Variants in MAPK1IP1L observed in about 807,000 individuals in gnomAD.
The protein encoded by MAPK1IP1L is mitogen-activated protein kinase 1 interacting protein 1 like.
MAPK1IP1L carries 10 observed loss-of-function variants against 18.1 expected under a neutral mutation model. That is an observed-to-expected ratio of 0.55 (90% CI 0.34 to 0.94). MAPK1IP1L has a LOEUF of 0.94. Among genes scored for constraint, MAPK1IP1L ranks in the 40% least tolerant of loss-of-function variants. The pLI, the probability that MAPK1IP1L is intolerant of heterozygous loss-of-function variation, is 0.02. For synonymous variants in MAPK1IP1L, 115 were observed against 117.3 expected, an observed-to-expected ratio of 0.98 and a Z score of 0.13; for missense variants, 260 against 318.2, an observed-to-expected ratio of 0.82 and a Z score of 1.39.
chr14:55,056,746 T>A (rs1319847215), intron 1 of MAPK1IP1L, among the ~76,000 whole-genome samples: 1 of 152,144 alleles, frequency 6.6e-6, no homozygotes, highest in African/African-American at 2.4e-5. Context: ...CCTGACTTCG[T>A]GATCCGCCCT....
rs372122948 is a variant in MAPK1IP1L, at chr14:55,051,683, C to G, written c.-125C>G. On this transcript the variant is annotated 5_prime_UTR_variant, in exon 1 of 4. Coordinates refer to ENST00000395468, the MANE Select transcript of MAPK1IP1L (RefSeq NM_144578.4). ...CGGCGCCAGGAGGAGCCGCGCGCTG[C>G]TGGTGCTGTTGCCGCCGCTGCTCTA... The G allele has an allele frequency of 3.9e-6, 2 of 516,116 alleles. No homozygotes were observed. The highest frequency in any genetic ancestry group is 7.7e-6 in the Non-Finnish European group (2 of 259,458). 32.0% of individuals were successfully genotyped at this position (516,116 alleles called of 1,614,324 possible). A position where few individuals can be genotyped will look rare whatever the true frequency, so the allele number is the denominator to read the frequency against.
chr14:55,061,725 A>G (rs1377924895), intron 2 of MAPK1IP1L, 24 bp downstream of exon 2: 5 of 1,542,454 alleles, frequency 3.2e-6, no homozygotes, highest in African/African-American at 1.4e-5. Context: ...TTTATCTGTG[A>G]TAAGTTTTTC....
At position 55,051,801 on chromosome 14, in the gene MAPK1IP1L, C is replaced by T. The variant is rs758376323; in HGVS notation, c.-7C>T. The T allele has an allele frequency of 1.4e-5, 7 of 495,110 alleles. No individual in the cohort carries two copies. Among genetic ancestry groups the T allele is most frequent in the East Asian group, 1.2e-4 (2 of 16,152 alleles). The allele number at this position is 495,110 out of a possible 1,614,324, so 30.7% of individuals were successfully genotyped here. A position where few individuals can be genotyped will look rare whatever the true frequency, so the allele number is the denominator to read the frequency against. Reference sequence around the variant, plus strand: ...ACCCTACTGCGGTCTCGGATATTGCCGGGTGAGGCTGCTTCGGTACTAGTG... The same window carrying T: ...ACCCTACTGCGGTCTCGGATATTGCTGGGTGAGGCTGCTTCGGTACTAGTG... On this transcript the variant is annotated splice_region_variant and 5_prime_UTR_variant, in exon 1 of 4. Coordinates refer to ENST00000395468, the MANE Select transcript of MAPK1IP1L (RefSeq NM_144578.4).
At chr14:55,054,371 G>A (rs2042754369) in intron 1 of MAPK1IP1L, among the ~76,000 whole-genome samples, 1 of 151,664 alleles carries the variant, frequency 6.6e-6, no homozygotes, top group Non-Finnish European at 1.5e-5. Context: ...TTGAATTCCT[G>A]GCCTCAAGTA....
chr14:55,059,467 A>T (rs2042798838), intron 1 of MAPK1IP1L, among the ~76,000 whole-genome samples: 1 of 152,138 alleles, frequency 6.6e-6, no homozygotes, highest in Admixed American at 6.6e-5. Context: ...CTCCATCTCT[A>T]CAAAAAAACT....
rs1015154810 is a variant in MAPK1IP1L, at chr14:55,067,912, T to C, written c.*3285T>C. On this transcript the variant is annotated 3_prime_UTR_variant, in exon 4 of 4. Transcript: ENST00000395468. Reference sequence around the variant, plus strand: ...TGTTCAGGAATGCTGTTTCTTGGAGTTGGAAGCTTAGGTTTTGAAATGTTG... The same window carrying C: ...TGTTCAGGAATGCTGTTTCTTGGAGCTGGAAGCTTAGGTTTTGAAATGTTG... 1 of 152,110 alleles carries C rather than the reference T, an allele frequency of 6.6e-6. No individual in the cohort carries two copies. The highest frequency in any genetic ancestry group is 1.5e-5 in the Non-Finnish European group (1 of 68,018). 9.4% of individuals were successfully genotyped at this position (152,110 alleles called of 1,614,324 possible). A position where few individuals can be genotyped will look rare whatever the true frequency, so the allele number is the denominator to read the frequency against.
At position 55,067,836 on chromosome 14, in the gene MAPK1IP1L, A is replaced by C. The variant is rs2042876946; in HGVS notation, c.*3209A>C. Reference sequence around the variant, plus strand: ...GGGATACAGATTATAGAATATGCTGACATTTGGGCTTCAGAGGAAGAATTT... The same window carrying C: ...GGGATACAGATTATAGAATATGCTGCCATTTGGGCTTCAGAGGAAGAATTT... On this transcript the variant is annotated 3_prime_UTR_variant, in exon 4 of 4. Transcript: ENST00000395468. 6.6e-6 allele frequency: 1 copy of C among 152,264 alleles called. No individual in the cohort carries two copies. The highest frequency in any genetic ancestry group is 6.5e-5 in the Admixed American group (1 of 15,292). The allele number at this position is 152,264 out of a possible 1,614,324, so 9.4% of individuals were successfully genotyped here. A position where few individuals can be genotyped will look rare whatever the true frequency, so the allele number is the denominator to read the frequency against.
chr14:55,055,758 C>G (rs2042766429), intron 1 of MAPK1IP1L, among the ~76,000 whole-genome samples: 1 of 152,024 alleles, frequency 6.6e-6, no homozygotes, highest in Non-Finnish European at 1.5e-5. Context: ...TGGTGAAACC[C>G]CGTCTCTACC....
chr14:55,059,225 G>GAAAAAAAAAAAAAAAAAAAAAAAAACTA (rs3078612), intron 1 of MAPK1IP1L, among the ~76,000 whole-genome samples: 2 of 63,276 alleles, frequency 3.2e-5, no homozygotes, highest in African/African-American at 5.8e-5. Context: ...AGGAAAATCT[G>GAAAAAAAAAAAAAAAAAAAAAAAAACTA]AAAAAAAAAA....
rs1359097306 is a variant in MAPK1IP1L at position 55,062,873 on chromosome 14, G to A, written c.274G>A (p.Gly92Arg). The change falls in exon 3 of 4, where the codon GGA becomes AGA. Residue 92 changes from glycine to arginine, a missense_variant. Coordinates refer to ENST00000395468, the MANE Select transcript of MAPK1IP1L (RefSeq NM_144578.4). ...ACCCCCAGCACCCTTTCCTCCTTCCGGACCATCATGTCCCCCACCTGGTGG... is the reference window on the plus strand; with the variant it reads ...ACCCCCAGCACCCTTTCCTCCTTCCAGACCATCATGTCCCCCACCTGGTGG... ...PGPPAPFPPS[G>R]PSCPPPGGPY... 2.5e-6 allele frequency: 4 copies of A among 1,613,776 alleles called. No individual in the cohort carries two copies. The highest frequency in any genetic ancestry group is 3.4e-6 in the Non-Finnish European group (4 of 1,179,968).
At chr14:55,054,247 C>A (rs897824453) in intron 1 of MAPK1IP1L, among the ~76,000 whole-genome samples, 25 of 141,134 alleles carry the variant, frequency 1.8e-4, no homozygotes, top group African/African-American at 6.0e-4. Context: ...CAGCGATTCT[C>A]CTGCCTCAGC....
chr14:55,069,861 C>G lies in MAPK1IP1L; in HGVS notation c.*5234C>G, dbSNP rs913549484. ...TGTCTGTCCCTACTCCCCTCACTCC[C>G]CCACTTTCTGTTATGAAAGATAGTT... On this transcript the variant is annotated 3_prime_UTR_variant, in exon 4 of 4. Transcript: ENST00000395468. The G allele has an allele frequency of 1.3e-5, 2 of 152,166 alleles. No homozygotes were observed. The highest frequency in any genetic ancestry group is 2.4e-5 in the African/African-American group (1 of 41,456). The allele number at this position is 152,166 out of a possible 1,614,324, so 9.4% of individuals were successfully genotyped here.
In MAPK1IP1L at chr14:55,065,445, A is replaced by G. The variant is rs1293873204; in HGVS notation, c.*818A>G. 1 of 152,130 alleles carries G rather than the reference A, an allele frequency of 6.6e-6. No homozygotes were observed. Among genetic ancestry groups the G allele is most frequent in the African/African-American group, 2.4e-5 (1 of 41,428 alleles). 9.4% of individuals were successfully genotyped at this position (152,130 alleles called of 1,614,324 possible). On this transcript the variant is annotated 3_prime_UTR_variant, in exon 4 of 4. Transcript: ENST00000395468. ...GAAATAATTCTCTCCTTTGTTTTGAACCTCAAACTAGATAAACCCTAGGAA... is the reference window on the plus strand; with the variant it reads ...GAAATAATTCTCTCCTTTGTTTTGAGCCTCAAACTAGATAAACCCTAGGAA...
At position 55,069,186 on chromosome 14, in the gene MAPK1IP1L, ACTT is replaced by A. The variant is rs1409523766; in HGVS notation, c.*4563_*4565del. 4 of 152,324 alleles carry A rather than the reference ACTT, an allele frequency of 2.6e-5. No individual in the cohort carries two copies. Among genetic ancestry groups the A allele is most frequent in the African/African-American group, 9.7e-5 (4 of 41,390 alleles). The allele number at this position is 152,324 out of a possible 1,614,324, so 9.4% of individuals were successfully genotyped here. A position where few individuals can be genotyped will look rare whatever the true frequency, so the allele number is the denominator to read the frequency against. On this transcript the variant is annotated 3_prime_UTR_variant, in exon 4 of 4. Transcript: ENST00000395468. The stretch of plus-strand genomic sequence containing the variant: ...GACTTGTTGCCATTAAGTGAACTTG[ACTT>A]CTTATGTGTGCTCTATGAGTTTGTT...
rs1248984177 is a variant in MAPK1IP1L at position 55,058,601 on chromosome 14, C to T, written c.-4-3079C>T. Among the ~76,000 whole-genome samples, 10 of 152,210 alleles carry T rather than the reference C, an allele frequency of 6.6e-5. No individual in the cohort carries two copies. In the East Asian group the frequency reaches 1.2e-3, roughly 18 times the overall value. On this transcript the variant is annotated intron_variant, in intron 1 of 3. Coordinates refer to ENST00000395468, the MANE Select transcript of MAPK1IP1L (RefSeq NM_144578.4). The stretch of plus-strand genomic sequence containing the variant: ...ATCCCAGCACTTTGGGAGGCTGAGG[C>T]GGGCGGATCACGTGAGGCCAGGAGT...
intron 3 of MAPK1IP1L, chr14:55,064,016 T>TC (rs2042841681): frequency 9.7e-6 from 1 of 102,820 alleles, no homozygotes; most frequent in Non-Finnish European, 2.2e-5. Context: ...TTTTTTTTTT[T>TC]TTTTTTTTTT....
rs184507322 is a variant in MAPK1IP1L at position 55,055,482 on chromosome 14, C to T, written c.-5+3679C>T. 2.4e-4 allele frequency among the ~76,000 whole-genome samples: 37 copies of T among 152,222 alleles called. 1 individual carries two copies. Among genetic ancestry groups the T allele is most frequent in the African/African-American group, 4.1e-4 (17 of 41,544 alleles). On this transcript the variant is annotated intron_variant, in intron 1 of 3. Transcript: ENST00000395468. Reference sequence around the variant, plus strand: ...TGAAACTGAAGTCTGTATACACTGCCGAAGCCTAAGTATACCATGTTTTTT... The same window carrying T: ...TGAAACTGAAGTCTGTATACACTGCTGAAGCCTAAGTATACCATGTTTTTT...
intron 1 of MAPK1IP1L, among the ~76,000 whole-genome samples, chr14:55,054,629 CT>C (rs2042756868): frequency 1.3e-5 from 2 of 152,276 alleles, no homozygotes; most frequent in Admixed American, 1.3e-4. Context: ...GGAAAATGGT[CT>C]CTTATTGAGA....
chr14:55,053,849 C>T (rs939326119), intron 1 of MAPK1IP1L, among the ~76,000 whole-genome samples: 1 of 152,204 alleles, frequency 6.6e-6, no homozygotes, highest in East Asian at 1.9e-4. Context: ...TAAAGGCCAA[C>T]ACATTGTTTG....
Sources: gnomAD v4.1 joint callset for allele counts (sites outside exome capture counted in the v4.1 genomes callset) on GRCh38, gnomAD v4.1.1 for gene constraint, MANE v1.5 for transcripts, NCBI Gene and HGNC (gene_info 2026-07-23, HGNC 2026-07-21) for gene names.